Variants in PDE4B observed in about 807,000 individuals in gnomAD.
PDE4B encodes 3',5'-cyclic-AMP phosphodiesterase 4B.
In PDE4B, 20 loss-of-function variants were observed where a neutral mutation model predicts 82.2. The ratio of observed to expected loss-of-function variants is 0.24; its 90% confidence interval spans 0.17 to 0.35. The LOEUF (loss-of-function observed/expected upper bound fraction) is 0.35, where lower values mean the gene tolerates loss of function less well. PDE4B is among the 10% of genes least tolerant of loss of function. PDE4B has a pLI of 1.00. For missense variants in PDE4B, 655 were observed against 907.2 expected (o/e 0.72, Z 3.57); for synonymous variants, 320 against 318.9 (o/e 1.00, Z -0.04).
intron 7 of PDE4B, among the ~76,000 whole-genome samples, chr1:66,327,398 A>G (rs1202329691): frequency 1.3e-5 from 2 of 152,256 alleles, no homozygotes; most frequent in African/African-American, 4.8e-5. Flanking sequence ...TGACATGCAC[A>G]AAGGAGTCAA....
intron 3 of PDE4B, among the ~76,000 whole-genome samples, chr1:66,141,558 G>A (rs1646173048): frequency 6.6e-6 from 1 of 151,854 alleles, no homozygotes; most frequent in African/African-American, 2.4e-5. Flanking sequence ...GAGTGAGTTA[G>A]GGAAGAAGAG....
At chr1:65,826,928 G>C (rs925222510) in intron 1 of PDE4B, among the ~76,000 whole-genome samples, 1 of 152,122 alleles carries the variant, frequency 6.6e-6, no homozygotes, top group Non-Finnish European at 1.5e-5. Flanking sequence ...ACATACAACT[G>C]GGAAAGCTCC....
At chr1:66,266,533 A>G in intron 7 of PDE4B, 1 of 364,382 alleles carries the variant, frequency 2.7e-6, no homozygotes, top group Non-Finnish European at 5.4e-6. Flanking sequence ...TTGAATCTAC[A>G]TCCTTTCCAG....
At chr1:65,807,352 AG>A (rs1481406186) in intron 1 of PDE4B, among the ~76,000 whole-genome samples, 11 of 152,360 alleles carry the variant, frequency 7.2e-5, no homozygotes, top group Middle Eastern at 3.4e-3. Flanking sequence ...ATCATTATGA[AG>A]GGCTGTATTG....
chr1:66,342,574 G>GA (rs1391726218), intron 8 of PDE4B, among the ~76,000 whole-genome samples: 56 of 146,410 alleles, frequency 3.8e-4, no homozygotes, highest in Non-Finnish European at 6.2e-4. Context: ...AGAAAAAAAA[G>GA]AAAAAAAATT....
chr1:66,372,521 A>G lies in PDE4B; in HGVS notation c.2054A>G (p.Asp685Gly), dbSNP rs1333811246. ...AAGTTTCAGTTTGAACTGACTCTCGATGAGGAAGATTCTGAAGGACCTGAG... is the reference window on the plus strand; with the variant it reads ...AAGTTTCAGTTTGAACTGACTCTCGGTGAGGAAGATTCTGAAGGACCTGAG... ...MEKFQFELTL[D>G]EEDSEGPEKE... The change falls in exon 17 of 17, where the codon GAT (aspartate) becomes GGT (glycine). Residue 685 changes from aspartate (D) to glycine (G), a missense_variant. Asp to Gly is a moderately conservative substitution (Grantham distance 94). Coordinates refer to ENST00000341517, the MANE Select transcript of PDE4B (RefSeq NM_002600.4). 1.9e-6 allele frequency: 3 copies of G among 1,614,136 alleles called. No homozygotes were observed. In the East Asian group the frequency reaches 6.7e-5, roughly 36 times the overall value.
intron 1 of PDE4B, among the ~76,000 whole-genome samples, chr1:65,812,133 T>C (rs1272946458): frequency 6.6e-6 from 1 of 152,194 alleles, no homozygotes; most frequent in Non-Finnish European, 1.5e-5. Flanking sequence ...AGCAGATGAA[T>C]TGACTCATCC....
intron 7 of PDE4B, among the ~76,000 whole-genome samples, chr1:66,289,566 G>A (rs1021752285): frequency 1.3e-5 from 2 of 152,034 alleles, no homozygotes; most frequent in Admixed American, 6.6e-5. Flanking sequence ...GAGTGAGCTA[G>A]GAGTGAGTGG....
chr1:65,849,778 C>T (rs1236741176), intron 1 of PDE4B, among the ~76,000 whole-genome samples: 3 of 152,168 alleles, frequency 2.0e-5, no homozygotes, highest in Non-Finnish European at 4.4e-5. Context: ...AGAACCAGAA[C>T]AAGAACGCCC....
chr1:66,243,305 C>T (rs890807896), intron 3 of PDE4B, among the ~76,000 whole-genome samples: 5 of 152,108 alleles, frequency 3.3e-5, no homozygotes, highest in South Asian at 2.1e-4. Context: ...AGAAACATTT[C>T]GCAGTAAGTT....
intron 3 of PDE4B, among the ~76,000 whole-genome samples, chr1:66,190,149 G>T (rs1046769371): frequency 6.6e-6 from 1 of 152,142 alleles, no homozygotes; most frequent in South Asian, 2.1e-4. Context: ...CAGAACAGCT[G>T]ATATTGGTGA....
chr1:66,131,012 C>T (rs1426071720), intron 3 of PDE4B, among the ~76,000 whole-genome samples: 9 of 152,192 alleles, frequency 5.9e-5, no homozygotes, highest in African/African-American at 2.2e-4. Flanking sequence ...AAATGTCATG[C>T]ATGTTGTAAA....
At chr1:66,106,851 AGC>A (rs1557565804) in intron 3 of PDE4B, among the ~76,000 whole-genome samples, 3 of 99,498 alleles carry the variant, frequency 3.0e-5, no homozygotes, top group African/African-American at 9.3e-5. Context: ...TAGTCTTGCT[AGC>A]ATTCTGTCAA....
chr1:66,332,111 A>G (rs2101915882), intron 7 of PDE4B: 1 of 1,228,106 alleles, frequency 8.1e-7, no homozygotes, highest in East Asian at 3.6e-5. Context: ...AAATGACATC[A>G]CATACCCTAA....
chr1:66,302,025 A>G (rs1271857994), intron 7 of PDE4B, among the ~76,000 whole-genome samples: 1 of 152,176 alleles, frequency 6.6e-6, no homozygotes, highest in Non-Finnish European at 1.5e-5. Context: ...GTTCAACTAC[A>G]GTAAGCCCAG....
At chr1:65,821,133 C>G (rs2101242046) in intron 1 of PDE4B, among the ~76,000 whole-genome samples, 1 of 152,332 alleles carries the variant, frequency 6.6e-6, no homozygotes, top group African/African-American at 2.4e-5. Flanking sequence ...CACTCTGTCT[C>G]TAATGATGAC....
chr1:66,258,234 A>C (rs1209127084), intron 6 of PDE4B, among the ~76,000 whole-genome samples: 2 of 152,326 alleles, frequency 1.3e-5, no homozygotes, highest in South Asian at 2.1e-4. Flanking sequence ...CAGATATTCA[A>C]ACTTAAAATT....
chr1:66,116,876 T>C (rs1252445469), intron 3 of PDE4B, among the ~76,000 whole-genome samples: 1 of 152,108 alleles, frequency 6.6e-6, no homozygotes, highest in Admixed American at 6.6e-5. Context: ...ATATAAAGAC[T>C]TCTAGACAAG....
chr1:66,361,871 A>C (rs1442834466), intron 10 of PDE4B, 78 bp downstream of exon 10: 5 of 1,150,200 alleles, frequency 4.3e-6, no homozygotes, highest in Non-Finnish European at 6.1e-6. Flanking sequence ...TTTAGAAAAT[A>C]GTATGGATTG....
Sources: allele counts gnomAD v4.1 joint callset (sites outside exome capture counted in the v4.1 genomes callset), GRCh38; gene constraint gnomAD v4.1.1; transcripts MANE v1.5; gene names NCBI Gene and HGNC (gene_info 2026-07-23, HGNC 2026-07-21).